Variants in AGFG1 observed in about 807,000 individuals in gnomAD.
The protein encoded by AGFG1 is ArfGAP with FG repeats 1.
In AGFG1, 10 loss-of-function variants were observed where a neutral mutation model predicts 60.6. The observed-to-expected ratio is 0.16, with a 90% CI of 0.10 to 0.28. The LOEUF (loss-of-function observed/expected upper bound fraction) is 0.28, where lower values mean the gene tolerates loss of function less well. Ranked by LOEUF, AGFG1 falls within the 10% of genes least tolerant of loss-of-function variation. The pLI is 1.00. For synonymous variants in AGFG1, 247 were observed against 242.9 expected (o/e 1.02, Z -0.16); for missense variants, 537 against 676.5 (o/e 0.79, Z 2.29).
chr2:227,529,139 T>C (rs181224217), intron 5 of AGFG1, among the ~76,000 whole-genome samples: 2 of 152,300 alleles, frequency 1.3e-5, no homozygotes, highest in East Asian at 3.9e-4. Flanking sequence ...GAATTACTCA[T>C]TTATTTTTCC....
At chr2:227,501,922 G>A (rs1202293522) in intron 2 of AGFG1, among the ~76,000 whole-genome samples, 3 of 151,984 alleles carry the variant, frequency 2.0e-5, no homozygotes, top group African/African-American at 7.3e-5. Context: ...GCAGTGGTGC[G>A]ATTACAGCTC....
chr2:227,541,288 G>A (rs1205120729), intron 10 of AGFG1, among the ~76,000 whole-genome samples: 1 of 152,140 alleles, frequency 6.6e-6, no homozygotes, highest in Non-Finnish European at 1.5e-5. Flanking sequence ...GTCCTGAATG[G>A]TATTGCCTAG....
At position 227,534,816 on chromosome 2, in the gene AGFG1, T is replaced by C. The variant is rs377108954; in HGVS notation, c.1025-29T>C. The C allele has an allele frequency of 6.2e-5, 99 of 1,602,112 alleles. No individual in the cohort carries two copies. In the Middle Eastern group the frequency reaches 1.0e-3, roughly 16 times the overall value. ...AGTTGAAAGTGTAACTTTAAATTTT[T>C]GGTGTAACTTGATTTTGTTCGTTCC... On this transcript the variant is annotated intron_variant, in intron 7 of 12. Coordinates refer to ENST00000310078, the MANE Select transcript of AGFG1 (RefSeq NM_004504.5).
chr2:227,511,473 G>C (rs1240583000), intron 2 of AGFG1, among the ~76,000 whole-genome samples: 5 of 152,168 alleles, frequency 3.3e-5, no homozygotes, highest in African/African-American at 1.2e-4. Flanking sequence ...GGGTGTGACT[G>C]TGTTCTAAGA....
Position 227,535,044 on chromosome 2 carries a change from C to T in AGFG1, c.1205+19C>T, listed in dbSNP as rs774506077. On this transcript the variant is annotated intron_variant, in intron 8 of 12. Coordinates refer to ENST00000310078, the MANE Select transcript of AGFG1 (RefSeq NM_004504.5). The stretch of plus-strand genomic sequence containing the variant: ...CTAGCAGGTACCTTGTCTTAGCTAG[C>T]CCTCCTGCTTTGTGTTTTATCTTTT... 3.2e-6 allele frequency: 5 copies of T among 1,558,918 alleles called. No homozygotes were observed. The highest frequency in any genetic ancestry group is 4.4e-6 in the Non-Finnish European group (5 of 1,149,084).
chr2:227,530,534 A>G (rs1253017673), intron 5 of AGFG1, among the ~76,000 whole-genome samples: 1 of 152,154 alleles, frequency 6.6e-6, no homozygotes, highest in South Asian at 2.1e-4. Flanking sequence ...GGCTTCTAAT[A>G]GAATATGAAT....
At chr2:227,537,354 C>T (rs1321066088) in intron 10 of AGFG1, among the ~76,000 whole-genome samples, 3 of 152,158 alleles carry the variant, frequency 2.0e-5, no homozygotes, top group Non-Finnish European at 4.4e-5. Flanking sequence ...CTGGTTGTCA[C>T]TCATGCAGTC....
chr2:227,502,094 G>A (rs1026562291), intron 2 of AGFG1, among the ~76,000 whole-genome samples: 4 of 151,500 alleles, frequency 2.6e-5, no homozygotes, highest in Non-Finnish European at 4.4e-5. Flanking sequence ...CCTGACTAAA[G>A]CGATCCACCT....
At chr2:227,482,025 C>G (rs765067143) in intron 1 of AGFG1, among the ~76,000 whole-genome samples, 11 of 152,028 alleles carry the variant, frequency 7.2e-5, no homozygotes, top group Non-Finnish European at 1.5e-4. Flanking sequence ...GCCACCTTGC[C>G]CCGCTAATTT....
intron 5 of AGFG1, among the ~76,000 whole-genome samples, chr2:227,529,614 C>T (rs963267159): frequency 9.2e-5 from 14 of 151,980 alleles, no homozygotes; most frequent in African/African-American, 2.4e-4. Flanking sequence ...TACAGAAAGA[C>T]GCATGAAGCT....
chr2:227,558,016 T>C lies in AGFG1; in HGVS notation c.*3521T>C, dbSNP rs1336092381. ...AGGGCAAACATAACTATTCCCTGGG[T>C]TTTTTTTGTTTGCTAGTGAGAACTG... On this transcript the variant is annotated 3_prime_UTR_variant, in exon 13 of 13. Coordinates refer to ENST00000310078, the MANE Select transcript of AGFG1 (RefSeq NM_004504.5). The C allele has an allele frequency of 6.6e-6, 1 of 152,036 alleles. No individual in the cohort carries two copies. The highest frequency in any genetic ancestry group is 1.5e-5 in the Non-Finnish European group (1 of 68,006). The allele number at this position is 152,036 out of a possible 1,614,324, so 9.4% of individuals were successfully genotyped here. A position where few individuals can be genotyped will look rare whatever the true frequency, so the allele number is the denominator to read the frequency against.
chr2:227,515,741 C>A (rs776986593), intron 2 of AGFG1, among the ~76,000 whole-genome samples: 6 of 152,082 alleles, frequency 3.9e-5, no homozygotes, highest in Non-Finnish European at 7.4e-5. Context: ...TTAGTTCATT[C>A]TCTCCCTTTT....
At chr2:227,539,136 TG>T (rs1692403417) in intron 10 of AGFG1, among the ~76,000 whole-genome samples, 1 of 152,128 alleles carries the variant, frequency 6.6e-6, no homozygotes, top group Admixed American at 6.6e-5. Flanking sequence ...AAGAATTTTT[TG>T]TTGCCTTCAA....
chr2:227,504,189 T>A lies in AGFG1; in HGVS notation c.261+12549T>A, dbSNP rs1169607179. Among the ~76,000 whole-genome samples the A allele has an allele frequency of 2.7e-5, 3 of 111,776 alleles. No individual in the cohort carries two copies. The East Asian group carries it at 6.2e-4, about 23-fold the overall frequency. 73.3% of individuals were successfully genotyped at this position (111,776 alleles called of 152,430 possible). On this transcript the variant is annotated intron_variant, in intron 2 of 12. Coordinates refer to ENST00000310078, the MANE Select transcript of AGFG1 (RefSeq NM_004504.5). ...AAGAGGCAGGGACACTTGGTGTAAA[T>A]TTTTTTTTTTTTTTTTTGAGATAGG...
intron 2 of AGFG1, among the ~76,000 whole-genome samples, chr2:227,510,262 A>G (rs577761079): frequency 1.3e-5 from 2 of 152,218 alleles, no homozygotes; most frequent in Admixed American, 6.5e-5. Context: ...ACACACACAC[A>G]TGCACACGCA....
intron 2 of AGFG1, 83 bp from the exon 3 acceptor site, chr2:227,519,865 C>G: frequency 1.4e-6 from 1 of 736,398 alleles, no homozygotes; most frequent in Non-Finnish European, 2.2e-6. Flanking sequence ...GATTAGCTTC[C>G]TGAAAGAATC....
In AGFG1 at chr2:227,472,520, C is replaced by T. The variant is rs760186264; in HGVS notation, c.99C>T (p.Asp33=). 4.4e-6 allele frequency: 7 copies of T among 1,582,428 alleles called. No individual in the cohort carries two copies. In the South Asian group the frequency reaches 4.5e-5, roughly 10 times the overall value. Residue 33 remains aspartate, a synonymous_variant, in exon 1 of 13, where the codon GAC becomes GAT. Transcript: ENST00000310078. ...ACAACCGAAAGTGCTTCGACTGCGA[C>T]CAGCGCGGCCCCACCTACGTTAACA... ...LPHNRKCFDC[D]QRGPTYVNMT...
chr2:227,556,358 G>A lies in AGFG1; in HGVS notation c.*1863G>A, dbSNP rs914625821. ...GCTAAAAGTGTGGTTTATCTAAACC[G>A]TTTTAATAAGCAAGATGACTGGGAA... is the stretch of plus-strand genomic sequence containing the variant. On this transcript the variant is annotated 3_prime_UTR_variant, in exon 13 of 13. Coordinates refer to ENST00000310078, the MANE Select transcript of AGFG1 (RefSeq NM_004504.5). 2 of 152,608 alleles carry A rather than the reference G, an allele frequency of 1.3e-5. No homozygotes were observed. Among genetic ancestry groups the A allele is most frequent in the Admixed American group, 1.3e-4 (2 of 15,278 alleles). The allele number at this position is 152,608 out of a possible 1,614,324, so 9.5% of individuals were successfully genotyped here.
At chr2:227,502,187 C>T (rs917662932) in intron 2 of AGFG1, among the ~76,000 whole-genome samples, 7 of 152,046 alleles carry the variant, frequency 4.6e-5, no homozygotes, top group South Asian at 2.1e-4. Flanking sequence ...GAGTTATGCA[C>T]GTGGATGCTT....
Sources: allele counts gnomAD v4.1 joint callset (sites outside exome capture counted in the v4.1 genomes callset), GRCh38; gene constraint gnomAD v4.1.1; transcripts MANE v1.5; gene names NCBI Gene and HGNC (gene_info 2026-07-23, HGNC 2026-07-21).